TENM3: variants seen among roughly 807,000 people sequenced by gnomAD.
The protein encoded by TENM3 is teneurin-3.
TENM3 carries 63 observed loss-of-function variants against 255.1 expected under a neutral mutation model. The observed-to-expected ratio is 0.25, with a 90% confidence interval of 0.20 to 0.30. The LOEUF is 0.30. Ranked by LOEUF, TENM3 falls within the 10% of genes least tolerant of loss-of-function variation. TENM3 has a pLI of 1.00. For missense variants in TENM3, 2,929 were observed against 3,461.1 expected (o/e 0.85, Z 3.86); for synonymous variants, 1,306 against 1,322.3 (o/e 0.99, Z 0.27).
chr4:181,759,930 C>G, the TENM3 span, among the ~76,000 whole-genome samples: 4 of 152,100 alleles, frequency 2.6e-5, no homozygotes, highest in Non-Finnish European at 4.4e-5. Context: ...ACTGACTGAA[C>G]AGGTAACTTG....
chr4:181,525,523 G>A, the TENM3 span, among the ~76,000 whole-genome samples: 1 of 152,044 alleles, frequency 6.6e-6, no homozygotes, highest in East Asian at 1.9e-4. Context: ...TTAATTGCCA[G>A]GGTTCACTCG....
At chr4:181,666,448 A>G in the TENM3 span, among the ~76,000 whole-genome samples, 1 of 152,200 alleles carries the variant, frequency 6.6e-6, no homozygotes, top group Non-Finnish European at 1.5e-5. Flanking sequence ...TAAGCAGTAG[A>G]TTCACAATCA....
chr4:182,453,661 A>G (rs1180033120), intron 3 of TENM3, among the ~76,000 whole-genome samples: 1 of 152,172 alleles, frequency 6.6e-6, no homozygotes, highest in Admixed American at 6.5e-5. Flanking sequence ...AGTTGTTTTC[A>G]TCCTGGTTTG....
chr4:181,714,263 T>C, the TENM3 span, among the ~76,000 whole-genome samples: 2 of 151,926 alleles, frequency 1.3e-5, no homozygotes, highest in African/African-American at 4.8e-5. Flanking sequence ...GGGTAGGACC[T>C]CATATGTACA....
the TENM3 span, among the ~76,000 whole-genome samples, chr4:181,641,081 CT>C: frequency 1.3e-5 from 2 of 152,272 alleles, no homozygotes; most frequent in Middle Eastern, 3.4e-3. Context: ...TGAAGCGGGG[CT>C]TCCTTTAGCT....
chr4:181,708,681 G>T, the TENM3 span, among the ~76,000 whole-genome samples: 1 of 151,336 alleles, frequency 6.6e-6, no homozygotes, highest in Non-Finnish European at 1.5e-5. Flanking sequence ...TCTTGGCTAT[G>T]CCTTTAAAAA....
the TENM3 span, among the ~76,000 whole-genome samples, chr4:181,908,774 C>T: frequency 2.0e-5 from 3 of 152,212 alleles, no homozygotes; most frequent in East Asian, 1.9e-4. Flanking sequence ...TAGTGTTACA[C>T]GGTATAGGTG....
chr4:182,755,544 A>C (rs1174039174), intron 22 of TENM3, among the ~76,000 whole-genome samples: 2 of 151,986 alleles, frequency 1.3e-5, no homozygotes, highest in African/African-American at 2.4e-5. Flanking sequence ...CGTATCTCTA[A>C]AGAAAAAAAA....
chr4:182,095,350 T>C, the TENM3 span, among the ~76,000 whole-genome samples: 1 of 152,232 alleles, frequency 6.6e-6, no homozygotes, highest in African/African-American at 2.4e-5. Context: ...CACAATGGAA[T>C]ATTATTTAGC....
chr4:181,636,308 G>A, the TENM3 span, among the ~76,000 whole-genome samples: 1 of 152,182 alleles, frequency 6.6e-6, no homozygotes, highest in African/African-American at 2.4e-5. Flanking sequence ...CTCCCAAAGT[G>A]TTGGGATTAC....
At chr4:182,675,533 A>G (rs1370575666) in intron 7 of TENM3, among the ~76,000 whole-genome samples, 1 of 151,514 alleles carries the variant, frequency 6.6e-6, no homozygotes, top group Non-Finnish European at 1.5e-5. Context: ...CAGGAGCAAA[A>G]CTCTGTCTAG....
At chr4:182,733,995 G>A (rs138583929) in intron 16 of TENM3, among the ~76,000 whole-genome samples, 67 of 152,074 alleles carry the variant, frequency 4.4e-4, no homozygotes, top group African/African-American at 1.4e-3. Context: ...TCATTCATGC[G>A]GTAGGCAAAT....
chr4:181,867,561 T>C, the TENM3 span, among the ~76,000 whole-genome samples: 2 of 152,200 alleles, frequency 1.3e-5, no homozygotes, highest in Non-Finnish European at 1.5e-5. Context: ...AGTTTTACAA[T>C]AGACAGCTAC....
At chr4:181,959,743 A>C in the TENM3 span, among the ~76,000 whole-genome samples, 5 of 152,218 alleles carry the variant, frequency 3.3e-5, no homozygotes, top group Non-Finnish European at 5.9e-5. Context: ...ATTTTCATTT[A>C]AAATATTCCA....
At chr4:182,612,385 A>G (rs1749090764) in intron 4 of TENM3, among the ~76,000 whole-genome samples, 1 of 152,156 alleles carries the variant, frequency 6.6e-6, no homozygotes, top group South Asian at 2.1e-4. Context: ...AAAAGGTGAC[A>G]GCATCACTGT....
chr4:181,873,766 GTGTGGTTTTTT>G, the TENM3 span, among the ~76,000 whole-genome samples: 2 of 151,354 alleles, frequency 1.3e-5, no homozygotes, highest in Admixed American at 6.6e-5. Context: ...GTGTGTGTGT[GTGTGGTTTTTT>G]GTTTTTTGTG....
At chr4:182,043,085 G>A in the TENM3 span, among the ~76,000 whole-genome samples, 146 of 152,012 alleles carry the variant, frequency 9.6e-4, 1 homozygote, top group African/African-American at 3.3e-3. Context: ...CAAGCTCTGC[G>A]TTTTTACATT....
At chr4:181,559,253 C>T in the TENM3 span, among the ~76,000 whole-genome samples, 13,823 of 152,044 alleles carry the variant, frequency 0.091, 666 homozygotes, top group African/African-American at 0.11. Flanking sequence ...GATTATTCAA[C>T]GATTTAACCC....
At chr4:182,386,757 G>A (rs964574207) in intron 3 of TENM3, among the ~76,000 whole-genome samples, 1 of 152,228 alleles carries the variant, frequency 6.6e-6, no homozygotes, top group Non-Finnish European at 1.5e-5. Flanking sequence ...CGCTGCTCTC[G>A]ATTTCTCGCC....
Sources: gnomAD v4.1 joint callset for allele counts (sites outside exome capture counted in the v4.1 genomes callset) on GRCh38, gnomAD v4.1.1 for gene constraint, MANE v1.5 for transcripts, NCBI Gene and HGNC (gene_info 2026-07-23, HGNC 2026-07-21) for gene names.